The following LRMDA variants were observed in gnomAD, a reference collection of about 807,000 sequenced individuals.
The protein encoded by LRMDA is leucine-rich melanocyte differentiation-associated protein.
LRMDA carries 18 observed loss-of-function variants against 29.8 expected under a neutral mutation model. The ratio of observed to expected loss-of-function variants is 0.60; its 90% confidence interval spans 0.42 to 0.90. The LOEUF (loss-of-function observed/expected upper bound fraction) is 0.90. LRMDA is among the 40% of genes least tolerant of loss of function. LRMDA has a pLI of 0.00. For missense variants in LRMDA, 273 were observed against 273.9 expected (o/e 1.00, Z 0.02); for synonymous variants, 125 against 109.4 (o/e 1.14, Z -0.89).
chr10:75,478,558 T>C (rs1844822156), intron 2 of LRMDA, among the ~76,000 whole-genome samples: 1 of 152,228 alleles, frequency 6.6e-6, no homozygotes, highest in Non-Finnish European at 1.5e-5. Flanking sequence ...TAAAAGGCTG[T>C]TCTTTAATAA....
chr10:76,050,092 T>C (rs1312490658), intron 4 of LRMDA, among the ~76,000 whole-genome samples: 1 of 152,240 alleles, frequency 6.6e-6, no homozygotes, highest in Non-Finnish European at 1.5e-5. Context: ...GTAATATTTA[T>C]AATATGTCAC....
chr10:76,121,947 T>A (rs897601027), intron 5 of LRMDA, among the ~76,000 whole-genome samples: 1 of 152,172 alleles, frequency 6.6e-6, no homozygotes, highest in Non-Finnish European at 1.5e-5. Flanking sequence ...GAGATACAGA[T>A]AGACTGAGTT....
intron 2 of LRMDA, among the ~76,000 whole-genome samples, chr10:75,872,639 A>G (rs1018675412): frequency 3.3e-5 from 5 of 152,004 alleles, no homozygotes; most frequent in African/African-American, 1.2e-4. Context: ...AACATGTTAC[A>G]TGTTTTCTCG....
intron 5 of LRMDA, among the ~76,000 whole-genome samples, chr10:76,260,300 T>C (rs1037860704): frequency 2.6e-5 from 4 of 152,194 alleles, no homozygotes; most frequent in African/African-American, 9.6e-5. Context: ...AGCCATTTTT[T>C]GCATGTTTTC....
chr10:76,261,307 C>T (rs1441626070), intron 5 of LRMDA, among the ~76,000 whole-genome samples: 1 of 151,814 alleles, frequency 6.6e-6, no homozygotes, highest in Non-Finnish European at 1.5e-5. Flanking sequence ...CTCCTGACCT[C>T]GTGATCTGCC....
At chr10:76,057,331 T>A (rs1848632670) in intron 4 of LRMDA, among the ~76,000 whole-genome samples, 1 of 152,166 alleles carries the variant, frequency 6.6e-6, no homozygotes, top group African/African-American at 2.4e-5. Flanking sequence ...TGTAATCACA[T>A]CTGTATCCCT....
intron 2 of LRMDA, among the ~76,000 whole-genome samples, chr10:75,941,174 G>A (rs752245340): frequency 1.3e-5 from 2 of 152,086 alleles, no homozygotes; most frequent in Non-Finnish European, 2.9e-5. Flanking sequence ...AGCCCTTCAC[G>A]CTGTATTGGA....
intron 6 of LRMDA, among the ~76,000 whole-genome samples, chr10:76,494,126 T>C (rs1469459658): frequency 6.6e-6 from 1 of 151,910 alleles, no homozygotes; most frequent in African/African-American, 2.4e-5. Flanking sequence ...TAATAACAGT[T>C]TTCTTTCTTT....
At chr10:76,527,815 G>T (rs1269674605) in intron 6 of LRMDA, among the ~76,000 whole-genome samples, 1 of 151,960 alleles carries the variant, frequency 6.6e-6, no homozygotes, top group Non-Finnish European at 1.5e-5. Flanking sequence ...TTTTTCTTAG[G>T]CCATCTCAGG....
At chr10:76,051,369 C>T (rs1322018747) in intron 4 of LRMDA, among the ~76,000 whole-genome samples, 1 of 152,244 alleles carries the variant, frequency 6.6e-6, no homozygotes, top group African/African-American at 2.4e-5. Context: ...TGCACAGAGA[C>T]TTCAAACATG....
chr10:75,637,472 G>A (rs1841402662), intron 2 of LRMDA, among the ~76,000 whole-genome samples: 1 of 152,166 alleles, frequency 6.6e-6, no homozygotes, highest in African/African-American at 2.4e-5. Flanking sequence ...GGGGTATGGA[G>A]TGGAGGGAGA....
intron 2 of LRMDA, among the ~76,000 whole-genome samples, chr10:75,704,696 A>G (rs889070489): frequency 6.6e-6 from 1 of 152,196 alleles, no homozygotes. Flanking sequence ...TTTCTACTGC[A>G]TGGAAACCAG....
At chr10:75,458,969 G>C (rs1444875540) in intron 2 of LRMDA, among the ~76,000 whole-genome samples, 1 of 150,570 alleles carries the variant, frequency 6.6e-6, no homozygotes, top group Non-Finnish European at 1.5e-5. Flanking sequence ...TGAATTGAAT[G>C]GTTCAGTTGT....
chr10:75,582,011 G>C (rs1372191903), intron 2 of LRMDA, among the ~76,000 whole-genome samples: 1 of 152,214 alleles, frequency 6.6e-6, no homozygotes, highest in African/African-American at 2.4e-5. Context: ...GTGAGGGGTG[G>C]GCTCCCAAGG....
At chr10:75,574,438 C>G (rs1840477427) in intron 2 of LRMDA, among the ~76,000 whole-genome samples, 1 of 152,124 alleles carries the variant, frequency 6.6e-6, no homozygotes, top group East Asian at 1.9e-4. Context: ...TGAGTGATAT[C>G]CTAATTGCCA....
At chr10:75,636,366 A>G (rs978850896) in intron 2 of LRMDA, among the ~76,000 whole-genome samples, 24 of 152,088 alleles carry the variant, frequency 1.6e-4, no homozygotes, top group Admixed American at 1.2e-3. Context: ...GTTCCTTTTA[A>G]TACCTAGCCA....
chr10:75,854,247 G>A (rs781662238), intron 2 of LRMDA, among the ~76,000 whole-genome samples: 1 of 152,092 alleles, frequency 6.6e-6, no homozygotes, highest in African/African-American at 2.4e-5. Context: ...CCTGGCATGT[G>A]TCATTTATTG....
chr10:76,403,006 A>C (rs1271659336), intron 6 of LRMDA, among the ~76,000 whole-genome samples: 2 of 151,808 alleles, frequency 1.3e-5, no homozygotes, highest in Non-Finnish European at 2.9e-5. Flanking sequence ...AGAGGTCACA[A>C]ATGGGCACCT....
At chr10:75,691,033 A>G (rs929878963) in intron 2 of LRMDA, among the ~76,000 whole-genome samples, 1 of 142,942 alleles carries the variant, frequency 7.0e-6, no homozygotes, top group Non-Finnish European at 1.5e-5. Flanking sequence ...ACACACATAT[A>G]TATATTGCAG....
Sources: gnomAD v4.1 joint callset for allele counts (sites outside exome capture counted in the v4.1 genomes callset) on GRCh38, gnomAD v4.1.1 for gene constraint, MANE v1.5 for transcripts, NCBI Gene and HGNC (gene_info 2026-07-23, HGNC 2026-07-21) for gene names.